CRACR2A: variants seen among roughly 807,000 people sequenced by gnomAD.
CRACR2A encodes the protein calcium release activated channel regulator 2A, also known as EF-hand calcium-binding domain-containing protein 4B.
In CRACR2A, 79 loss-of-function variants were observed where a neutral mutation model predicts 90.5. The observed-to-expected ratio is 0.87, with a 90% confidence interval of 0.73 to 1.05. CRACR2A has a LOEUF of 1.05. Ranked by LOEUF, CRACR2A falls within the 50% of genes least tolerant of loss-of-function variation. The pLI, the probability that CRACR2A is intolerant of heterozygous loss-of-function variation, is 0.00. For missense variants in CRACR2A, 823 were observed against 897.2 expected (o/e 0.92, Z 1.06); for synonymous variants, 338 against 356.7 (o/e 0.95, Z 0.59).
intron 3 of CRACR2A, among the ~76,000 whole-genome samples, chr12:3,709,105 C>G (rs755484843): frequency 5.3e-5 from 8 of 152,122 alleles, no homozygotes; most frequent in African/African-American, 1.7e-4. Context: ...CAGGGGACAA[C>G]GTACAAACAG....
chr12:3,693,371 T>A (rs978829616), intron 4 of CRACR2A, among the ~76,000 whole-genome samples: 2 of 152,144 alleles, frequency 1.3e-5, no homozygotes, highest in Admixed American at 1.3e-4. Flanking sequence ...GACCAAGGGG[T>A]GCTCAGGTCA....
intron 15 of CRACR2A, among the ~76,000 whole-genome samples, chr12:3,628,014 CCTCCCTCT>C (rs1944299157): frequency 7.4e-6 from 1 of 135,410 alleles, no homozygotes; most frequent in African/African-American, 2.8e-5. Flanking sequence ...TCCCTCCCTC[CCTCCCTCT>C]CTCCTTCCCT....
chr12:3,635,585 C>G (rs1196908049), intron 14 of CRACR2A, among the ~76,000 whole-genome samples: 1 of 152,184 alleles, frequency 6.6e-6, no homozygotes, highest in East Asian at 1.9e-4. Flanking sequence ...TAGCTCACTG[C>G]AGCCTTGAAC....
chr12:3,740,391 G>A (rs183666939), intron 1 of CRACR2A, among the ~76,000 whole-genome samples: 1 of 152,138 alleles, frequency 6.6e-6, no homozygotes, highest in African/African-American at 2.4e-5. Context: ...TGGTGTCAAG[G>A]AAACAAAAAG....
At chr12:3,638,500 T>C (rs2137359091) in intron 13 of CRACR2A, 46 bp from the exon 14 acceptor site, 1 of 1,482,950 alleles carries the variant, frequency 6.7e-7, no homozygotes, top group East Asian at 2.5e-5. Flanking sequence ...TTTCACAAAA[T>C]ATTTCAATAC....
intron 17 of CRACR2A, among the ~76,000 whole-genome samples, chr12:3,620,507 G>A (rs1225842510): frequency 6.6e-6 from 1 of 152,178 alleles, no homozygotes; most frequent in Non-Finnish European, 1.5e-5. Context: ...AAGCCTCAAT[G>A]TTTCCTTAAT....
At chr12:3,692,297 C>T (rs1163114245) in intron 4 of CRACR2A, among the ~76,000 whole-genome samples, 4 of 152,048 alleles carry the variant, frequency 2.6e-5, no homozygotes, top group Non-Finnish European at 4.4e-5. Flanking sequence ...AAGTTGCTGA[C>T]CTTTGGATTT....
chr12:3,660,887 C>A (rs1037452511), intron 7 of CRACR2A, among the ~76,000 whole-genome samples: 1 of 118,870 alleles, frequency 8.4e-6, no homozygotes, highest in African/African-American at 3.3e-5. Flanking sequence ...CACACACACA[C>A]AATTTTGGCC....
At chr12:3,623,558 G>A (rs1354629602) in intron 17 of CRACR2A, among the ~76,000 whole-genome samples, 1 of 152,136 alleles carries the variant, frequency 6.6e-6, no homozygotes, top group African/African-American at 2.4e-5. Context: ...TTTGTCCCAT[G>A]GCCACACGTG....
At position 3,678,910 on chromosome 12, in the gene CRACR2A, C is replaced by T. The variant is rs752951177; in HGVS notation, c.524+5G>A. ...TCCGTTCTACAAATCACTGTCACCA[C>T]TTACTCTTCCAACACCTTTTGGGCT... On this transcript the variant is annotated splice_donor_5th_base_variant and intron_variant, in intron 6 of 19. Transcript: ENST00000440314. 8.8e-6 allele frequency: 14 copies of T among 1,599,496 alleles called. No individual in the cohort carries two copies. Among genetic ancestry groups the T allele is most frequent in the Non-Finnish European group, 1.1e-5 (13 of 1,173,924 alleles).
At position 3,666,350 on chromosome 12, in the gene CRACR2A, TGTGTGC is replaced by T. The variant is rs981106916; in HGVS notation, c.672-6702_672-6697del. 1.0e-4 allele frequency among the ~76,000 whole-genome samples: 15 copies of T among 147,250 alleles called. No individual in the cohort carries two copies. In the South Asian group the frequency reaches 1.1e-3, roughly 10 times the overall value. On this transcript the variant is annotated intron_variant, in intron 7 of 19. Coordinates refer to ENST00000440314, the MANE Select transcript of CRACR2A (RefSeq NM_001144958.2). ...GGCTGCGTGTGTGTGTGTGTGTGTG[TGTGTGC>T]GTGCGTGTGCGCGTGCGCGCGCACG...
chr12:3,752,326 G>GCACACACACGGACACACACA (rs55982155), intron 1 of CRACR2A, among the ~76,000 whole-genome samples: 1 of 149,194 alleles, frequency 6.7e-6, no homozygotes, highest in Non-Finnish European at 1.5e-5. Context: ...ACACACACTC[G>GCACACACACGGACACACACA]CACACACACG....
intron 1 of CRACR2A, among the ~76,000 whole-genome samples, chr12:3,744,781 G>C (rs1440120695): frequency 6.6e-6 from 1 of 152,162 alleles, no homozygotes; most frequent in Non-Finnish European, 1.5e-5. Flanking sequence ...ATTGTGCAGA[G>C]AGCGAACTGA....
chr12:3,617,531 A>G (rs1867713495), intron 18 of CRACR2A, among the ~76,000 whole-genome samples: 1 of 152,124 alleles, frequency 6.6e-6, no homozygotes, highest in African/African-American at 2.4e-5. Flanking sequence ...GGCCTTGGGG[A>G]CAGGTGTCAT....
At chr12:3,666,445 T>A (rs1403666949) in intron 7 of CRACR2A, among the ~76,000 whole-genome samples, 1 of 151,660 alleles carries the variant, frequency 6.6e-6, no homozygotes, top group Admixed American at 6.6e-5. Flanking sequence ...GGGAGGCAGA[T>A]GGGATATGAA....
chr12:3,633,030 T>C lies in CRACR2A; in HGVS notation c.1735+574A>G, dbSNP rs1276756384. On this transcript the variant is annotated intron_variant, in intron 15 of 19. Coordinates refer to ENST00000440314, the MANE Select transcript of CRACR2A (RefSeq NM_001144958.2). The surrounding 1 kb of genome is among the most constrained non-coding windows in gnomAD (Gnocchi z 4.5). ...AGAGTGGGAATACATTAAGCCATGA[T>C]CATCCATTAATAGCTGAGCCTAATG... Among the ~76,000 whole-genome samples the C allele has an allele frequency of 6.6e-6, 1 of 152,206 alleles. No homozygotes were observed. The highest frequency in any genetic ancestry group is 2.4e-5 in the African/African-American group (1 of 41,456).
At chr12:3,641,283 G>T (rs1944565508) in intron 13 of CRACR2A, among the ~76,000 whole-genome samples, 2 of 152,178 alleles carry the variant, frequency 1.3e-5, no homozygotes, top group Admixed American at 6.5e-5. Flanking sequence ...GGCAAAGGTT[G>T]CAGTGAGCCG....
At chr12:3,699,260 T>G (rs1401632413) in intron 3 of CRACR2A, among the ~76,000 whole-genome samples, 1 of 152,208 alleles carries the variant, frequency 6.6e-6, no homozygotes, top group African/African-American at 2.4e-5. Flanking sequence ...CAGAGGCATA[T>G]TCATCATTTT....
At chr12:3,713,211 C>G (rs1946032060) in intron 3 of CRACR2A, 26 bp downstream of exon 3, 1 of 982,632 alleles carries the variant, frequency 1.0e-6, no homozygotes, top group Non-Finnish European at 1.2e-6. Context: ...ACTCTGCAAC[C>G]TGTCGCCTTT....
Sources: gnomAD v4.1 joint callset for allele counts (sites outside exome capture counted in the v4.1 genomes callset) on GRCh38, gnomAD v4.1.1 for gene constraint, Gnocchi (gnomAD v3.1) non-coding constraint, MANE v1.5 for transcripts, NCBI Gene and HGNC (gene_info 2026-07-23, HGNC 2026-07-21) for gene names.